INTS9: variants seen among roughly 807,000 people sequenced by gnomAD.
The protein encoded by INTS9 is integrator complex subunit 9.
A neutral mutation model predicts 79.7 loss-of-function variants in INTS9; 55 were observed. The observed-to-expected ratio is 0.69, with a 90% confidence interval of 0.56 to 0.86. The LOEUF (loss-of-function observed/expected upper bound fraction) is 0.86, where lower values mean the gene tolerates loss of function less well. INTS9 is among the 40% of genes least tolerant of loss of function. The pLI, the probability that INTS9 is intolerant of heterozygous loss-of-function variation, is 0.00. For synonymous variants in INTS9, 319 were observed against 325.2 expected, an observed-to-expected ratio of 0.98 and a Z score of 0.20; for missense variants, 721 against 831.5, an observed-to-expected ratio of 0.87 and a Z score of 1.64.
At chr8:28,858,403 A>G (rs79661627) in intron 2 of INTS9, among the ~76,000 whole-genome samples, 3,739 of 152,262 alleles carry the variant, frequency 0.025, 69 homozygotes, top group Non-Finnish European at 0.038. Context: ...TCTCTGGGGG[A>G]AAAAGACAAT....
chr8:28,801,586 AACT>A (rs1804531872), intron 8 of INTS9, among the ~76,000 whole-genome samples: 1 of 152,176 alleles, frequency 6.6e-6, no homozygotes, highest in African/African-American at 2.4e-5. Flanking sequence ...AGATTTAAGA[AACT>A]ACATTACTGC....
In INTS9 at chr8:28,768,069, T is replaced by G. The variant is rs906420869; in HGVS notation, c.*77A>C. 2 of 1,350,686 alleles carry G rather than the reference T, an allele frequency of 1.5e-6. No homozygotes were observed. The highest frequency in any genetic ancestry group is 2.1e-6 in the Non-Finnish European group (2 of 949,506). 83.7% of individuals were successfully genotyped at this position (1,350,686 alleles called of 1,614,324 possible). A position where few individuals can be genotyped will look rare whatever the true frequency, so the allele number is the denominator to read the frequency against. ...CAAAGACACAGTTAATGGCCTCTCA[T>G]GCCACTCCTCAGGTGGCTTGTGAGG... On this transcript the variant is annotated 3_prime_UTR_variant, in exon 17 of 17. Coordinates refer to ENST00000521022, the MANE Select transcript of INTS9 (RefSeq NM_018250.4).
Position 28,859,566 on chromosome 8 carries a change from G to A in INTS9, c.10-3C>T. 1 of 1,613,806 alleles carries A rather than the reference G, an allele frequency of 6.2e-7. No homozygotes were observed. Among genetic ancestry groups the A allele is most frequent in the Non-Finnish European group, 8.5e-7 (1 of 1,179,760 alleles). On this transcript the variant is annotated splice_polypyrimidine_tract_variant and splice_region_variant and intron_variant, in intron 1 of 16. Transcript: ENST00000521022. Reference sequence around the variant, plus strand: ...GTTGGGTGCCCTGACAGGCAATACTGAAAAAAATTAAATCACTTTGATCAG... The same window carrying A: ...GTTGGGTGCCCTGACAGGCAATACTAAAAAAAATTAAATCACTTTGATCAG...
At chr8:28,850,132 C>A in intron 3 of INTS9, 81 bp downstream of exon 3, 5 of 1,063,760 alleles carry the variant, frequency 4.7e-6, no homozygotes, top group Non-Finnish European at 7.1e-6. Flanking sequence ...ATCAGTCACA[C>A]TACTACAGGG....
chr8:28,841,965 T>C (rs1185517934), intron 4 of INTS9, among the ~76,000 whole-genome samples: 7 of 152,082 alleles, frequency 4.6e-5, no homozygotes, highest in Non-Finnish European at 1.0e-4. Flanking sequence ...GTTGCACACA[T>C]GTAGTCCCAG....
intron 6 of INTS9, among the ~76,000 whole-genome samples, chr8:28,819,957 A>T (rs1483405308): frequency 1.3e-5 from 2 of 152,260 alleles, no homozygotes; most frequent in East Asian, 3.9e-4. Context: ...CTGTTTTATC[A>T]GAGACAAGGA....
rs1488200204 is a variant in INTS9 at position 28,813,576 on chromosome 8, G to T, written c.525C>A (p.Val175=). 1.2e-6 allele frequency: 2 copies of T among 1,613,626 alleles called. No homozygotes were observed. The highest frequency in any genetic ancestry group is 3.3e-5 in the Admixed American group (2 of 60,012). ...LPSPLKDAVE[V]STWRRCYTMQ... is the part of the protein sequence containing the mutation. Reference sequence around the variant, plus strand: ...TTGTATAGCATCTTCTCCAGGTTGAGACTTCCACTGCATCCTTGAGAGGAG... The same window carrying T: ...TTGTATAGCATCTTCTCCAGGTTGATACTTCCACTGCATCCTTGAGAGGAG... The change falls in exon 7 of 17, where the codon GTC becomes GTA. Residue 175 remains valine (V), a synonymous_variant. Transcript: ENST00000521022.
At chr8:28,860,303 C>A (rs1410438137) in intron 1 of INTS9, among the ~76,000 whole-genome samples, 1 of 152,184 alleles carries the variant, frequency 6.6e-6, no homozygotes, top group Non-Finnish European at 1.5e-5. Flanking sequence ...ATCTGCCACA[C>A]TGAAAATATC....
intron 1 of INTS9, chr8:28,862,211 G>C: frequency 1.0e-6 from 1 of 985,144 alleles, no homozygotes; most frequent in Non-Finnish European, 1.2e-6. Context: ...AGGGTTATGA[G>C]ACTAAGGCAC....
intron 1 of INTS9, among the ~76,000 whole-genome samples, chr8:28,871,747 T>C (rs1809108007): frequency 6.6e-6 from 1 of 152,260 alleles, no homozygotes; most frequent in Middle Eastern, 3.4e-3. Context: ...GCCATGATCT[T>C]GGGAGAAAAT....
chr8:28,867,694 T>G (rs1477564998), intron 1 of INTS9, among the ~76,000 whole-genome samples: 1 of 151,210 alleles, frequency 6.6e-6, no homozygotes, highest in Non-Finnish European at 1.5e-5. Flanking sequence ...TGAATTTTAG[T>G]GAACTGACTT....
chr8:28,845,197 G>A (rs1427582882), intron 4 of INTS9, among the ~76,000 whole-genome samples: 1 of 152,192 alleles, frequency 6.6e-6, no homozygotes, highest in Non-Finnish European at 1.5e-5. Flanking sequence ...GTTGCGTACT[G>A]TACTGGGATA....
In INTS9 at chr8:28,837,856, A is replaced by G. The variant is rs1806907297; in HGVS notation, c.262-80T>C. Reference sequence around the variant, plus strand: ...TGTGACTAAAAAACGACGTTGTCAGAATGCAGAGAAGTAGTTTTTGTATTG... The same window carrying G: ...TGTGACTAAAAAACGACGTTGTCAGGATGCAGAGAAGTAGTTTTTGTATTG... On this transcript the variant is annotated intron_variant, in intron 4 of 16. Coordinates refer to ENST00000521022, the MANE Select transcript of INTS9 (RefSeq NM_018250.4). The G allele has an allele frequency of 2.2e-6, 3 of 1,376,148 alleles. No homozygotes were observed. The African/African-American group carries it at 4.3e-5, about 20-fold the overall frequency. 85.2% of individuals were successfully genotyped at this position (1,376,148 alleles called of 1,614,324 possible). A position where few individuals can be genotyped will look rare whatever the true frequency, so the allele number is the denominator to read the frequency against.
chr8:28,769,858 A>C (rs778698636), intron 16 of INTS9, 31 bp downstream of exon 16: 12 of 1,610,874 alleles, frequency 7.4e-6, no homozygotes, highest in Middle Eastern at 1.6e-4. Flanking sequence ...CCACGTGTGG[A>C]GTTTTCACGG....
Position 28,767,710 on chromosome 8 carries a change from C to A in INTS9, c.*436G>T. ...ACAAATGGGCTCAGAGTAGAAAATG[C>A]AGACAGATGGGTTCACTTTACCATA... On this transcript the variant is annotated 3_prime_UTR_variant, in exon 17 of 17. Coordinates refer to ENST00000521022, the MANE Select transcript of INTS9 (RefSeq NM_018250.4). 1 of 170,896 alleles carries A rather than the reference C, an allele frequency of 5.9e-6. No homozygotes were observed. The highest frequency in any genetic ancestry group is 1.3e-5 in the Non-Finnish European group (1 of 79,548). 10.6% of individuals were successfully genotyped at this position (170,896 alleles called of 1,614,324 possible).
intron 1 of INTS9, among the ~76,000 whole-genome samples, chr8:28,865,473 A>G (rs1036479893): frequency 2.2e-5 from 3 of 137,490 alleles, no homozygotes; most frequent in Non-Finnish European, 4.7e-5. Context: ...CCCCATCTCT[A>G]AAAAAAAAAA....
intron 1 of INTS9, among the ~76,000 whole-genome samples, chr8:28,870,435 T>C (rs1374985201): frequency 2.8e-5 from 4 of 141,838 alleles, no homozygotes; most frequent in Non-Finnish European, 6.1e-5. Context: ...ATATAATTTA[T>C]ACAAATTGCT....
intron 10 of INTS9, among the ~76,000 whole-genome samples, chr8:28,788,630 G>C (rs1803751751): frequency 6.6e-6 from 1 of 152,130 alleles, no homozygotes; most frequent in Admixed American, 6.5e-5. Flanking sequence ...TGTTGGCCAG[G>C]CTGGTCTCAA....
At chr8:28,815,077 G>A (rs938625566) in intron 6 of INTS9, among the ~76,000 whole-genome samples, 1 of 152,108 alleles carries the variant, frequency 6.6e-6, no homozygotes, top group East Asian at 1.9e-4. Context: ...CAGAGGAGCA[G>A]GCAGGGAAAT....
Sources: gnomAD v4.1 joint callset for allele counts (sites outside exome capture counted in the v4.1 genomes callset) on GRCh38, gnomAD v4.1.1 for gene constraint, MANE v1.5 for transcripts, NCBI Gene and HGNC (gene_info 2026-07-23, HGNC 2026-07-21) for gene names.